The following CSMD1 variants were observed in gnomAD, a reference collection of about 807,000 sequenced individuals.
The protein encoded by CSMD1 is CUB and sushi domain-containing protein 1.
In CSMD1, 213 loss-of-function variants were observed where a neutral mutation model predicts 417.5. The ratio of observed to expected loss-of-function variants is 0.51; its 90% CI spans 0.46 to 0.57. The LOEUF (loss-of-function observed/expected upper bound fraction) is 0.57. CSMD1 is among the 20% of genes least tolerant of loss of function. The probability of loss-of-function intolerance (pLI) is 0.00; values close to 1 mark genes in which losing one functional copy is unlikely to be tolerated. For missense variants in CSMD1, 6,923 were observed against 4,529.7 expected, an observed-to-expected ratio of 1.53 and a Z score of -15.17; for synonymous variants, 2,862 against 1,736.8, an observed-to-expected ratio of 1.65 and a Z score of -16.11.
intron 3 of CSMD1, among the ~76,000 whole-genome samples, chr8:4,144,476 C>T (rs1803988491): frequency 6.6e-6 from 1 of 151,154 alleles, no homozygotes; most frequent in Non-Finnish European, 1.5e-5. Flanking sequence ...TCCCATTCTG[C>T]AAATGGATAT....
At chr8:4,899,492 T>A (rs541213343) in intron 1 of CSMD1, among the ~76,000 whole-genome samples, 17 of 152,128 alleles carry the variant, frequency 1.1e-4, no homozygotes, top group Non-Finnish European at 1.8e-4. Flanking sequence ...GAAATCCCAA[T>A]ATGTTAGATC....
At chr8:2,988,878 T>C (rs1308444609) in intron 54 of CSMD1, among the ~76,000 whole-genome samples, 2 of 152,128 alleles carry the variant, frequency 1.3e-5, no homozygotes, top group Non-Finnish European at 2.9e-5. Flanking sequence ...GTGAGGTGGA[T>C]GTTGTAGAAA....
At chr8:4,124,285 C>A (rs1585366327) in intron 3 of CSMD1, among the ~76,000 whole-genome samples, 1 of 152,194 alleles carries the variant, frequency 6.6e-6, no homozygotes, top group East Asian at 1.9e-4. Context: ...TTAATAACAT[C>A]AATTTAAACA....
intron 7 of CSMD1, among the ~76,000 whole-genome samples, chr8:3,692,968 C>T (rs1800334787): frequency 6.6e-6 from 1 of 152,086 alleles, no homozygotes; most frequent in African/African-American, 2.4e-5. Context: ...GTGTGATTAA[C>T]TTGGATATGA....
chr8:3,231,660 G>T (rs1366822294), intron 26 of CSMD1, among the ~76,000 whole-genome samples: 1 of 152,126 alleles, frequency 6.6e-6, no homozygotes. Flanking sequence ...AAATAATTCA[G>T]GACAAGAGAA....
intron 5 of CSMD1, among the ~76,000 whole-genome samples, chr8:3,963,980 A>G (rs1348546732): frequency 6.6e-6 from 1 of 152,198 alleles, no homozygotes; most frequent in Non-Finnish European, 1.5e-5. Context: ...ATTAAGTCAA[A>G]CAGAATGAGT....
chr8:3,651,806 T>TACCACCATCAGAGCACCC (rs1209028450), intron 7 of CSMD1, among the ~76,000 whole-genome samples: 68 of 148,024 alleles, frequency 4.6e-4, no homozygotes, highest in African/African-American at 1.7e-3. Flanking sequence ...CCATCGCACT[T>TACCACCATCAGAGCACCC]ACCACCATCA....
At chr8:4,181,269 C>T (rs1275209234) in intron 3 of CSMD1, among the ~76,000 whole-genome samples, 2 of 152,118 alleles carry the variant, frequency 1.3e-5, no homozygotes, top group African/African-American at 4.8e-5. Context: ...TGCCCAATCT[C>T]ATCTGAATTT....
At chr8:3,942,015 T>G (rs1339682251) in intron 5 of CSMD1, among the ~76,000 whole-genome samples, 1 of 151,962 alleles carries the variant, frequency 6.6e-6, no homozygotes, top group African/African-American at 2.4e-5. Flanking sequence ...AGACCAGCAG[T>G]GGCATTAGAT....
Position 4,448,376 on chromosome 8 carries a change from G to A in CSMD1, c.303-28311C>T, listed in dbSNP as rs56269412. On this transcript the variant is annotated intron_variant, in intron 2 of 69. Transcript: ENST00000635120. ...ACTCAATTAACAGGGAATAAAACAC[G>A]CCAGTTGTCCAACTCCTACTTTCAG... Among the ~76,000 whole-genome samples, 488 of 152,156 alleles carry A rather than the reference G, an allele frequency of 3.2e-3. 3 individuals carry two copies. Among genetic ancestry groups the A allele is most frequent in the African/African-American group, 0.011 (463 of 41,508 alleles).
At chr8:4,689,965 A>T (rs1227349920) in intron 1 of CSMD1, among the ~76,000 whole-genome samples, 1 of 152,214 alleles carries the variant, frequency 6.6e-6, no homozygotes, top group Non-Finnish European at 1.5e-5. Context: ...GGGCTGTATT[A>T]CTGCCGTAAG....
chr8:4,694,740 T>C (rs929972707), intron 1 of CSMD1, among the ~76,000 whole-genome samples: 1 of 152,160 alleles, frequency 6.6e-6, no homozygotes, highest in Non-Finnish European at 1.5e-5. Flanking sequence ...CCCAACCACC[T>C]TGGGCACATG....
At chr8:3,910,304 G>C (rs183826392) in intron 5 of CSMD1, among the ~76,000 whole-genome samples, 1 of 152,230 alleles carries the variant, frequency 6.6e-6, no homozygotes, top group African/African-American at 2.4e-5. Context: ...AAATATGATG[G>C]AATTCAGAGC....
At chr8:4,055,971 T>A (rs182233018) in intron 3 of CSMD1, among the ~76,000 whole-genome samples, 2 of 151,974 alleles carry the variant, frequency 1.3e-5, no homozygotes, top group African/African-American at 4.8e-5. Context: ...CCTACCTGAG[T>A]TTTCCCCTAC....
intron 3 of CSMD1, among the ~76,000 whole-genome samples, chr8:4,184,429 C>T (rs140894658): frequency 3.5e-4 from 53 of 152,274 alleles, no homozygotes; most frequent in African/African-American, 1.2e-3. Context: ...CCTTGCGGCA[C>T]TATTCACAAT....
At chr8:4,751,687 C>T (rs1427599138) in intron 1 of CSMD1, among the ~76,000 whole-genome samples, 6 of 152,126 alleles carry the variant, frequency 3.9e-5, no homozygotes, top group African/African-American at 1.2e-4. Flanking sequence ...TGGTCAGCTA[C>T]CCTTTCTCTG....
rs1798289425 is a variant in CSMD1, at chr8:4,049,032, C to T, written c.416-16933G>A. On this transcript the variant is annotated intron_variant, in intron 3 of 69. Coordinates refer to ENST00000635120, the MANE Select transcript of CSMD1 (RefSeq NM_033225.6). ...TAATGATCACCTTTTCAAGACTCACCACCCATCTCAACAACTCTCAAAACA... is the reference window on the plus strand; with the variant it reads ...TAATGATCACCTTTTCAAGACTCACTACCCATCTCAACAACTCTCAAAACA... Among the ~76,000 whole-genome samples the T allele has an allele frequency of 2.0e-5, 3 of 152,218 alleles. No homozygotes were observed. The South Asian group carries it at 6.2e-4, about 32-fold the overall frequency.
chr8:3,147,354 A>C (rs1818906722), intron 40 of CSMD1, among the ~76,000 whole-genome samples: 1 of 152,242 alleles, frequency 6.6e-6, no homozygotes, highest in Non-Finnish European at 1.5e-5. Flanking sequence ...CTTTTCTTAA[A>C]TAAGTAATAT....
chr8:4,046,685 G>C (rs1242635307), intron 3 of CSMD1, among the ~76,000 whole-genome samples: 1 of 152,086 alleles, frequency 6.6e-6, no homozygotes, highest in South Asian at 2.1e-4. Flanking sequence ...ATTTCCATTT[G>C]ATTTTAAAAG....
Sources: gnomAD v4.1 joint callset for allele counts (sites outside exome capture counted in the v4.1 genomes callset) on GRCh38, gnomAD v4.1.1 for gene constraint, MANE v1.5 for transcripts, NCBI Gene and HGNC (gene_info 2026-07-23, HGNC 2026-07-21) for gene names.